KNOP1: variants seen among roughly 807,000 people sequenced by gnomAD.
KNOP1 encodes the protein lysine-rich nucleolar protein 1.
A neutral mutation model predicts 30.6 loss-of-function variants in KNOP1; 20 were observed. That is an observed-to-expected ratio of 0.65 (90% CI 0.46 to 0.95). The LOEUF is 0.95. Among genes scored for constraint, KNOP1 ranks in the 40% least tolerant of loss-of-function variants. The pLI, the probability that KNOP1 is intolerant of heterozygous loss-of-function variation, is 0.00. For missense variants in KNOP1, 540 were observed against 562.0 expected, an observed-to-expected ratio of 0.96 and a Z score of 0.40; for synonymous variants, 204 against 210.0, an observed-to-expected ratio of 0.97 and a Z score of 0.25.
Position 19,714,828 on chromosome 16 carries a change from TC to T in KNOP1, c.207del (p.Lys71ArgfsTer12), listed in dbSNP as rs1163148092. ...CAAAGGGTGCTGACACCCTTCTTTT[TC>T]TTCTTCTTTTTCTTCACTAGAGGCA... ...PEMPLVKKKKKKKKGVSTLCE... is the reference protein window; with the variant it reads ...PEMPLVKKKKXKKKGVSTLCE... On this transcript the variant is annotated frameshift_variant, in exon 2 of 5. Transcript: ENST00000219837. LOFTEE classifies it high-confidence loss of function. The T allele has an allele frequency of 6.2e-7, 1 of 1,613,532 alleles. No homozygotes were observed. The highest frequency in any genetic ancestry group is 8.5e-7 in the Non-Finnish European group (1 of 1,179,780).
intron 1 of KNOP1, among the ~76,000 whole-genome samples, chr16:19,715,998 T>A (rs925078477): frequency 1.3e-5 from 2 of 152,126 alleles, no homozygotes; most frequent in Non-Finnish European, 2.9e-5. Flanking sequence ...AAGGAAAAAC[T>A]TCTCCATCCT....
Position 19,714,230 on chromosome 16 carries a change from T to C in KNOP1, c.806A>G (p.Lys269Arg). ...CTCTACCTTCTTTTTGGACTTCATC[T>C]TTTTCTTTGCGGAGGCCTTAGGGTC... ...SDDPKASAKKKMKSKKKVEQP... is the reference protein window; with the variant it reads ...SDDPKASAKKRMKSKKKVEQP... The change falls in exon 2 of 5, where the codon AAG (lysine) becomes AGG (arginine). Residue 269 changes from lysine (K) to arginine (R), a missense_variant. Transcript: ENST00000219837. The C allele has an allele frequency of 6.2e-7, 1 of 1,614,134 alleles. No homozygotes were observed.
At chr16:19,717,609 A>C in intron 1 of KNOP1, 2 of 985,452 alleles carry the variant, frequency 2.0e-6, no homozygotes, top group Non-Finnish European at 2.4e-6. Context: ...AAATGCATTC[A>C]CTCTTTCAAG....
At position 19,706,849 on chromosome 16, in the gene KNOP1, C is replaced by T. The variant is rs1597457972; in HGVS notation, c.*61G>A. The stretch of plus-strand genomic sequence containing the variant: ...TTTTCACAAAAAAAATTTGTAATCT[C>T]CAGCATAAATGGAATAATCAAAGCA... On this transcript the variant is annotated 3_prime_UTR_variant, in exon 5 of 5. Coordinates refer to ENST00000219837, the MANE Select transcript of KNOP1 (RefSeq NM_001012991.3). 6.4e-7 allele frequency: 1 copy of T among 1,554,458 alleles called. No homozygotes were observed. The highest frequency in any genetic ancestry group is 2.1e-5 in the Admixed American group (1 of 47,820).
rs1474758264 is a variant in KNOP1 at position 19,704,540 on chromosome 16, G to C, written c.*2370C>G. On this transcript the variant is annotated 3_prime_UTR_variant, in exon 5 of 5. Coordinates refer to ENST00000219837, the MANE Select transcript of KNOP1 (RefSeq NM_001012991.3). ...CAGGAAGCAGAGGTTACAATGAGCC[G>C]AGATCACGCCACCACACTCCAGCCT... 6.6e-6 allele frequency: 1 copy of C among 152,112 alleles called. No individual in the cohort carries two copies. Among genetic ancestry groups the C allele is most frequent in the Non-Finnish European group, 1.5e-5 (1 of 68,080 alleles). The allele number at this position is 152,112 out of a possible 1,614,324, so 9.4% of individuals were successfully genotyped here.
At position 19,705,509 on chromosome 16, in the gene KNOP1, C is replaced by T. The variant is rs565985080; in HGVS notation, c.*1401G>A. On this transcript the variant is annotated 3_prime_UTR_variant, in exon 5 of 5. Transcript: ENST00000219837. ...CCGATGAGGCAACTTCCCGTGTCAT[C>T]TCCACACGTTCATCTCCTCCTGGCA... 6.5e-5 allele frequency: 20 copies of T among 307,172 alleles called. No homozygotes were observed. Among genetic ancestry groups the T allele is most frequent in the African/African-American group, 4.2e-4 (19 of 45,670 alleles). The allele number at this position is 307,172 out of a possible 1,614,324, so 19.0% of individuals were successfully genotyped here.
chr16:19,708,851 A>G (rs1976559316), intron 4 of KNOP1, among the ~76,000 whole-genome samples: 1 of 151,982 alleles, frequency 6.6e-6, no homozygotes, highest in Non-Finnish European at 1.5e-5. Context: ...GGTTTTGGGG[A>G]GAGCAGGAGA....
In KNOP1 at chr16:19,714,565, C is replaced by T; in HGVS notation, c.471G>A (p.Gly157=). 6.2e-7 allele frequency: 1 copy of T among 1,614,076 alleles called. No individual in the cohort carries two copies. Among genetic ancestry groups the T allele is most frequent in the South Asian group, 1.1e-5 (1 of 91,064 alleles). ...CCGAGAAGGCTGTGGGGTCCTGGGC[C>T]CCCTTTTTTTCCTTCTTGTGTTTTT... The part of the protein sequence containing the change: ...KLKKHKKEKK[G]AQDPTAFSVQ... The change falls in exon 2 of 5, where the codon GGG becomes GGA. Residue 157 remains glycine (G), a synonymous_variant. Coordinates refer to ENST00000219837, the MANE Select transcript of KNOP1 (RefSeq NM_001012991.3).
Position 19,706,995 on chromosome 16 carries a change from C to T in KNOP1, c.1292G>A (p.Gly431Glu), listed in dbSNP as rs764712039. Residue 431 changes from glycine to glutamate, a missense_variant, in exon 5 of 5, where the codon GGA becomes GAA. Gly to Glu is a moderately conservative substitution (Grantham distance 98). Coordinates refer to ENST00000219837, the MANE Select transcript of KNOP1 (RefSeq NM_001012991.3). The part of the protein sequence containing the change: ...DRAMSWKYSR[G>E]AGLGFSTAPN... ...GGCGGTGGAGAAGCCGAGGCCGGCTCCCCGGCTGTACTTCCAGCTCATGGC... is the reference window on the plus strand; with the variant it reads ...GGCGGTGGAGAAGCCGAGGCCGGCTTCCCGGCTGTACTTCCAGCTCATGGC... 5.6e-6 allele frequency: 9 copies of T among 1,613,992 alleles called. No individual in the cohort carries two copies. Among genetic ancestry groups the T allele is most frequent in the Non-Finnish European group, 7.6e-6 (9 of 1,180,040 alleles).
chr16:19,706,999 G>A lies in KNOP1; in HGVS notation c.1288C>T (p.Arg430Trp), dbSNP rs779117395. 77 of 1,613,866 alleles carry A rather than the reference G, an allele frequency of 4.8e-5. No homozygotes were observed. The highest frequency in any genetic ancestry group is 5.8e-5 in the Non-Finnish European group (69 of 1,180,034). The change falls in exon 5 of 5, where the codon CGG becomes TGG. Residue 430 changes from arginine (R) to tryptophan (W), a missense_variant. Physicochemically the swap from Arg to Trp is moderately radical, Grantham distance 101. Coordinates refer to ENST00000219837, the MANE Select transcript of KNOP1 (RefSeq NM_001012991.3). The stretch of plus-strand genomic sequence containing the variant: ...GTGGAGAAGCCGAGGCCGGCTCCCC[G>A]GCTGTACTTCCAGCTCATGGCCCGG... The part of the protein sequence containing the change: ...YDRAMSWKYS[R>W]GAGLGFSTAP...
Position 19,705,529 on chromosome 16 carries a change from C to G in KNOP1, c.*1381G>C, listed in dbSNP as rs531947463. Reference sequence around the variant, plus strand: ...GTCATCTCCACACGTTCATCTCCTCCTGGCATTCAATATCCACCTACAGAA... The same window carrying G: ...GTCATCTCCACACGTTCATCTCCTCGTGGCATTCAATATCCACCTACAGAA... On this transcript the variant is annotated 3_prime_UTR_variant, in exon 5 of 5. Coordinates refer to ENST00000219837, the MANE Select transcript of KNOP1 (RefSeq NM_001012991.3). 1 of 284,868 alleles carries G rather than the reference C, an allele frequency of 3.5e-6. No individual in the cohort carries two copies. Among genetic ancestry groups the G allele is most frequent in the Non-Finnish European group, 6.9e-6 (1 of 144,570 alleles). 17.6% of individuals were successfully genotyped at this position (284,868 alleles called of 1,614,324 possible).
At chr16:19,715,275 A>C in intron 1 of KNOP1, 1 of 384,060 alleles carries the variant, frequency 2.6e-6, no homozygotes. Context: ...AAATCAGCTA[A>C]CCTCCCTGAG....
At chr16:19,717,574 C>T (rs1268459034) in intron 1 of KNOP1, 36 of 985,360 alleles carry the variant, frequency 3.7e-5, no homozygotes, top group Non-Finnish European at 3.9e-5. Flanking sequence ...AAAAGTATAG[C>T]ATCCTCCTCT....
At chr16:19,711,534 G>C in intron 2 of KNOP1, 94 bp from the exon 3 acceptor site, 1 of 1,247,606 alleles carries the variant, frequency 8.0e-7, no homozygotes, top group Non-Finnish European at 1.2e-6. Context: ...ACAAAGTCCA[G>C]AAAAGACCTC....
intron 1 of KNOP1, chr16:19,717,899 G>A (rs755169352): frequency 3.7e-6 from 4 of 1,072,678 alleles, no homozygotes; most frequent in Non-Finnish European, 4.5e-6. Context: ...AGTAAGATCC[G>A]TACCTCCAAG....
intron 3 of KNOP1, 44 bp downstream of exon 3, chr16:19,711,328 G>A (rs1405727992): frequency 1.9e-6 from 3 of 1,588,078 alleles, no homozygotes; most frequent in Non-Finnish European, 2.6e-6. Context: ...CTCCAAGGGT[G>A]GCAGGAGGCA....
Position 19,707,091 on chromosome 16 carries a change from C to A in KNOP1, c.1196G>T (p.Arg399Met). Residue 399 changes from arginine (R) to methionine (M), a missense_variant, in exon 5 of 5, where the codon AGG becomes ATG. Physicochemically the swap from Arg to Met is moderately conservative, Grantham distance 91 (BLOSUM62 -1). Transcript: ENST00000219837. ...SFSRPASTIARPNMALGKKAA... is the reference protein window; with the variant it reads ...SFSRPASTIAMPNMALGKKAA... ...CTTCTTGCCGAGGGCCATGTTGGGCCTTGCAATCGTGCTGGCGGGGCGGCT... is the reference window on the plus strand; with the variant it reads ...CTTCTTGCCGAGGGCCATGTTGGGCATTGCAATCGTGCTGGCGGGGCGGCT... The A allele has an allele frequency of 6.2e-7, 1 of 1,614,198 alleles. No individual in the cohort carries two copies. Among genetic ancestry groups the A allele is most frequent in the Non-Finnish European group, 8.5e-7 (1 of 1,180,036 alleles).
At chr16:19,707,465 C>T (rs892829805) in intron 4 of KNOP1, among the ~76,000 whole-genome samples, 1 of 151,996 alleles carries the variant, frequency 6.6e-6, no homozygotes, top group Non-Finnish European at 1.5e-5. Flanking sequence ...GAGACAGAAA[C>T]CTAACTAGTG....
intron 4 of KNOP1, chr16:19,710,251 G>A (rs960203193): frequency 1.8e-6 from 1 of 564,746 alleles, no homozygotes; most frequent in African/African-American, 1.9e-5. Context: ...CACCCCACCA[G>A]TCCAGGGCTG....
Sources: allele counts gnomAD v4.1 joint callset (sites outside exome capture counted in the v4.1 genomes callset), GRCh38; gene constraint gnomAD v4.1.1; transcripts MANE v1.5; gene names NCBI Gene and HGNC (gene_info 2026-07-23, HGNC 2026-07-21).